The following FAM184B variants were observed in gnomAD, a reference collection of about 807,000 sequenced individuals.
The protein encoded by FAM184B is protein FAM184B.
A neutral mutation model predicts 135.9 loss-of-function variants in FAM184B; 111 were observed. The ratio of observed to expected loss-of-function variants is 0.82; its 90% confidence interval spans 0.70 to 0.96. The LOEUF is 0.96. FAM184B is among the 40% of genes least tolerant of loss of function. The probability of loss-of-function intolerance (pLI) is 0.00; values close to 1 mark genes in which losing one functional copy is unlikely to be tolerated. For synonymous variants in FAM184B, 552 were observed against 524.8 expected (o/e 1.05, Z -0.71); for missense variants, 1,375 against 1,323.9 (o/e 1.04, Z -0.60).
intron 1 of FAM184B, among the ~76,000 whole-genome samples, chr4:17,767,638 C>G (rs1224069388): frequency 6.6e-6 from 1 of 152,146 alleles, no homozygotes; most frequent in African/African-American, 2.4e-5. Context: ...ACACTTGGAT[C>G]AGGCTGGAAC....
In FAM184B at chr4:17,773,425, T is replaced by C. The variant is rs16895685; in HGVS notation, c.141+7734A>G. ...CATGAGGTTATTCGACTCCTTATAC[T>C]TGAGCTTGGCAGCTTCTGGCACTAA... On this transcript the variant is annotated intron_variant, in intron 1 of 17. Transcript: ENST00000265018. Among the ~76,000 whole-genome samples the C allele has an allele frequency of 4.4e-3, 675 of 152,342 alleles. 24 individuals carry two copies. The East Asian group carries it at 0.084, about 19-fold the overall frequency.
intron 7 of FAM184B, among the ~76,000 whole-genome samples, chr4:17,682,804 T>G (rs1716480676): frequency 6.6e-6 from 1 of 152,204 alleles, no homozygotes. Context: ...TGGACTGTTT[T>G]TATTTCTCTT....
intron 1 of FAM184B, among the ~76,000 whole-genome samples, chr4:17,775,959 A>G (rs1448118637): frequency 1.3e-5 from 2 of 152,228 alleles, no homozygotes; most frequent in African/African-American, 4.8e-5. Context: ...TATTGTATCC[A>G]TGTAAAAAGC....
chr4:17,733,595 T>C (rs1457620696), intron 1 of FAM184B, among the ~76,000 whole-genome samples: 1 of 152,088 alleles, frequency 6.6e-6, no homozygotes, highest in Non-Finnish European at 1.5e-5. Flanking sequence ...TCAAAGAGAA[T>C]AAAATACCTA....
At position 17,760,485 on chromosome 4, in the gene FAM184B, AAAAC is replaced by A. The variant is rs529578671; in HGVS notation, c.141+20670_141+20673del. On this transcript the variant is annotated intron_variant, in intron 1 of 17. Coordinates refer to ENST00000265018, the MANE Select transcript of FAM184B (RefSeq NM_015688.2). Reference sequence around the variant, plus strand: ...ACTCCATCTCAAAAAAAAAAAAACAAAAACAAACAAACAAACAAAAAACAAAAAA... The same window carrying A: ...ACTCCATCTCAAAAAAAAAAAAACAAAAACAAACAAACAAAAAACAAAAAA... Among the ~76,000 whole-genome samples, 435 of 151,986 alleles carry A rather than the reference AAAAC, an allele frequency of 2.9e-3. 1 individual carries two copies. The highest frequency in any genetic ancestry group is 4.7e-3 in the Non-Finnish European group (320 of 67,974).
At chr4:17,704,546 C>A (rs1717062753) in intron 5 of FAM184B, among the ~76,000 whole-genome samples, 1 of 152,222 alleles carries the variant, frequency 6.6e-6, no homozygotes, top group African/African-American at 2.4e-5. Context: ...AAATTAGGAT[C>A]CTGAGGCATG....
At chr4:17,712,237 A>G (rs1368171664) in intron 1 of FAM184B, among the ~76,000 whole-genome samples, 1 of 152,178 alleles carries the variant, frequency 6.6e-6, no homozygotes, top group African/African-American at 2.4e-5. Flanking sequence ...TGGTGATGAC[A>G]AGGCCAAGTG....
intron 10 of FAM184B, among the ~76,000 whole-genome samples, chr4:17,654,061 C>G (rs1223993884): frequency 6.6e-6 from 1 of 152,084 alleles, no homozygotes; most frequent in Non-Finnish European, 1.5e-5. Flanking sequence ...TTAGAAGGAA[C>G]CAGCCCTGCC....
intron 1 of FAM184B, among the ~76,000 whole-genome samples, chr4:17,765,860 G>C (rs555940506): frequency 6.6e-6 from 1 of 152,132 alleles, no homozygotes; most frequent in African/African-American, 2.4e-5. Context: ...CTTCTGGAGA[G>C]TTCGGGGTCT....
In FAM184B at chr4:17,631,907, C is replaced by A. The variant is rs377546752; in HGVS notation, c.*625G>T. 2.6e-5 allele frequency: 4 copies of A among 152,184 alleles called. No homozygotes were observed. Among genetic ancestry groups the A allele is most frequent in the African/African-American group, 9.6e-5 (4 of 41,500 alleles). 9.4% of individuals were successfully genotyped at this position (152,184 alleles called of 1,614,324 possible). The stretch of plus-strand genomic sequence containing the variant: ...AAGTACAACCACTTTTGAAATAGAT[C>A]ATGGAAATCACAAAGTCTGATGTTC... On this transcript the variant is annotated 3_prime_UTR_variant, in exon 18 of 18. Coordinates refer to ENST00000265018, the MANE Select transcript of FAM184B (RefSeq NM_015688.2).
At chr4:17,697,340 C>A (rs1304437034) in intron 5 of FAM184B, among the ~76,000 whole-genome samples, 3 of 152,164 alleles carry the variant, frequency 2.0e-5, no homozygotes, top group Non-Finnish European at 4.4e-5. Context: ...GGGCCAAGCC[C>A]AGCCTAGGCC....
rs572892933 is a variant in FAM184B at position 17,708,034 on chromosome 4, C to T, written c.895-250G>A. ...GTGTTAGAAATACTAACTGCTGCTA[C>T]TTGTAGAGATGGGGCTCTGTGCTTT... is the stretch of plus-strand genomic sequence containing the variant. On this transcript the variant is annotated intron_variant, in intron 2 of 17. Transcript: ENST00000265018. Among the ~76,000 whole-genome samples, 255 of 152,204 alleles carry T rather than the reference C, an allele frequency of 1.7e-3. 2 individuals are homozygous for T. Among genetic ancestry groups the T allele is most frequent in the African/African-American group, 5.7e-3 (236 of 41,540 alleles).
chr4:17,780,535 A>G (rs1010081722), intron 1 of FAM184B, among the ~76,000 whole-genome samples: 1 of 152,078 alleles, frequency 6.6e-6, no homozygotes, highest in Non-Finnish European at 1.5e-5. Flanking sequence ...GGAAGGTTCA[A>G]TCAGAGCCCC....
At chr4:17,670,507 T>C (rs1462816828) in intron 7 of FAM184B, among the ~76,000 whole-genome samples, 1 of 152,176 alleles carries the variant, frequency 6.6e-6, no homozygotes, top group African/African-American at 2.4e-5. Flanking sequence ...ATCTGCAGGA[T>C]GTAATTTCTG....
chr4:17,680,426 G>A (rs190600230), intron 7 of FAM184B, among the ~76,000 whole-genome samples: 85 of 152,068 alleles, frequency 5.6e-4, no homozygotes, highest in African/African-American at 2.0e-3. Flanking sequence ...ACAGAAAAAA[G>A]AACTTATTTC....
rs542127073 is a variant in FAM184B, at chr4:17,686,762, T to C, written c.1596+1662A>G. On this transcript the variant is annotated intron_variant, in intron 7 of 17. Transcript: ENST00000265018. Reference sequence around the variant, plus strand: ...TTCGAGACTAGCCTGGCTAACATGGTGAAACACTGTTTCTACAAAAAATAG... The same window carrying C: ...TTCGAGACTAGCCTGGCTAACATGGCGAAACACTGTTTCTACAAAAAATAG... Among the ~76,000 whole-genome samples, 17 of 152,274 alleles carry C rather than the reference T, an allele frequency of 1.1e-4. No individual in the cohort carries two copies. In the South Asian group the frequency reaches 2.9e-3, roughly 26 times the overall value.
chr4:17,773,518 A>G (rs1718863921), intron 1 of FAM184B, among the ~76,000 whole-genome samples: 1 of 152,170 alleles, frequency 6.6e-6, no homozygotes, highest in Non-Finnish European at 1.5e-5. Context: ...GTGCCCTGGT[A>G]TCTGCTTCTC....
At chr4:17,745,836 G>C (rs1311909409) in intron 1 of FAM184B, among the ~76,000 whole-genome samples, 2 of 152,178 alleles carry the variant, frequency 1.3e-5, no homozygotes, top group Admixed American at 1.3e-4. Context: ...ACCTGCTTTT[G>C]TGATTTTAGA....
chr4:17,750,499 T>G (rs894843138), intron 1 of FAM184B, among the ~76,000 whole-genome samples: 1 of 152,242 alleles, frequency 6.6e-6, no homozygotes, highest in Non-Finnish European at 1.5e-5. Context: ...TCAGTGACGC[T>G]GGCATTTTGG....
Sources: gnomAD v4.1 joint callset for allele counts (sites outside exome capture counted in the v4.1 genomes callset) on GRCh38, gnomAD v4.1.1 for gene constraint, MANE v1.5 for transcripts, NCBI Gene and HGNC (gene_info 2026-07-23, HGNC 2026-07-21) for gene names.